MED12: variants seen among roughly 807,000 people sequenced by gnomAD.
MED12 encodes the protein mediator of RNA polymerase II transcription subunit 12.
A neutral mutation model predicts 177.7 loss-of-function variants in MED12; 10 were observed. That is an observed-to-expected ratio of 0.06 (90% CI 0.03 to 0.10). The LOEUF (loss-of-function observed/expected upper bound fraction) is 0.10, where lower values mean the gene tolerates loss of function less well. Among genes scored for constraint, MED12 ranks in the 10% least tolerant of loss-of-function variants. MED12 has a pLI of 1.00. For synonymous variants in MED12, 641 were observed against 678.4 expected (o/e 0.94, Z 0.86); for missense variants, 867 against 1,780.8 (o/e 0.49, Z 9.23).
intron 32 of MED12, 42 bp from the exon 33 acceptor site, chrX:71,133,081 C>T (rs375000904): frequency 5.6e-6 from 6 of 1,072,636 alleles, no homozygotes; most frequent in African/African-American, 5.5e-5. Flanking sequence ...GATGGAAACA[C>T]GAAGATCCCT....
In MED12 at chrX:71,132,850, C is replaced by T. The variant is rs1242129195; in HGVS notation, c.4421C>T (p.Ser1474Phe). 3 of 1,164,839 alleles carry T rather than the reference C, an allele frequency of 2.6e-6. No individual in the cohort carries two copies. Among genetic ancestry groups the T allele is most frequent in the East Asian group, 6.2e-5 (2 of 32,261 alleles). ...ERDRQKQKSMSLLSQQPFLSL... is the reference protein window; with the variant it reads ...ERDRQKQKSMFLLSQQPFLSL... The stretch of plus-strand genomic sequence containing the variant: ...CTTCTTTCTCTTGTCTCTAGCATGT[C>T]CCTATTGAGCCAGCAGCCCTTCTTA... The change falls in exon 32 of 45, where the codon TCC becomes TTC. Residue 1474 changes from serine (S) to phenylalanine (F), a missense_variant. Physicochemically the swap from Ser to Phe is radical, Grantham distance 155. Coordinates refer to ENST00000374080, the MANE Select transcript of MED12 (RefSeq NM_005120.3).
rs1368759560 is a variant in MED12, at chrX:71,132,545, G to A, written c.4415+7G>A. ...ATCGACAAAAGCAGAAGAGGTAAAGGGGCTTAGGGAGTGGACCAAGATTGA... is the reference window on the plus strand; with the variant it reads ...ATCGACAAAAGCAGAAGAGGTAAAGAGGCTTAGGGAGTGGACCAAGATTGA... On this transcript the variant is annotated splice_region_variant and intron_variant, in intron 31 of 44. Coordinates refer to ENST00000374080, the MANE Select transcript of MED12 (RefSeq NM_005120.3). The A allele has an allele frequency of 3.4e-6, 4 of 1,174,626 alleles. No homozygotes were observed. Among genetic ancestry groups the A allele is most frequent in the Non-Finnish European group, 4.6e-6 (4 of 876,483 alleles).
chrX:71,136,023 C>G (rs553859804), intron 36 of MED12, among the ~76,000 whole-genome samples: 2 of 108,752 alleles, frequency 1.8e-5, no homozygotes, highest in East Asian at 5.8e-4. Flanking sequence ...ACACGCCCCC[C>G]GCCCCGTTAG....
Position 71,141,227 on chromosome X carries a change from T to TAGCAGC in MED12, c.6273_6278dup, listed in dbSNP as rs748394417. 3.4e-5 allele frequency: 39 copies of TAGCAGC among 1,152,872 alleles called. No homozygotes were observed. The African/African-American group carries it at 6.2e-4, about 18-fold the overall frequency. ...TTCTGAAGTATCTTTTGTGTTCTTATAGCAGCAGCAGCAACAGCAACAGCA... is the reference window on the plus strand; with the variant it reads ...TTCTGAAGTATCTTTTGTGTTCTTATAGCAGCAGCAGCAGCAGCAACAGCAACAGCA... On this transcript the variant is annotated splice_region_variant and splice_polypyrimidine_tract_variant and intron_variant, in intron 42 of 44. Transcript: ENST00000374080.
Position 71,123,661 on chromosome X carries a change from G to A in MED12, c.1685G>A (p.Ser562Asn). The part of the protein sequence containing the change: ...SIASGSLSAP[S>N]APIFQDVLLQ... Reference sequence around the variant, plus strand: ...GCCTCTGGCTCCCTTTCTGCTCCCAGTGCTCCCATTTTCCAGGATGTCCTC... The same window carrying A: ...GCCTCTGGCTCCCTTTCTGCTCCCAATGCTCCCATTTTCCAGGATGTCCTC... The change falls in exon 12 of 45, where the codon AGT becomes AAT. Residue 562 changes from serine (S) to asparagine (N), a missense_variant. Around this residue, in one of 14 missense-constraint regions of MED12, gnomAD observed 309 missense variants for 556.3 expected, o/e 0.56. Coordinates refer to ENST00000374080, the MANE Select transcript of MED12 (RefSeq NM_005120.3). 8.3e-7 allele frequency: 1 copy of A among 1,209,124 alleles called. No homozygotes were observed. The highest frequency in any genetic ancestry group is 1.1e-6 in the Non-Finnish European group (1 of 893,920).
In MED12 at chrX:71,125,653, C is replaced by G. The variant is rs752691764; in HGVS notation, c.2372-10C>G. 7 of 771,289 alleles carry G rather than the reference C, an allele frequency of 9.1e-6. No homozygotes were observed. Among genetic ancestry groups the G allele is most frequent in the African/African-American group, 2.3e-5 (1 of 43,410 alleles). 63.6% of individuals were successfully genotyped at this position (771,289 alleles called of 1,213,427 possible). A position where few individuals can be genotyped will look rare whatever the true frequency, so the allele number is the denominator to read the frequency against. On this transcript the variant is annotated splice_polypyrimidine_tract_variant and intron_variant, in intron 16 of 44. Transcript: ENST00000374080. The stretch of plus-strand genomic sequence containing the variant: ...TTTGAAACTTCCCCCCTCATTCCCC[C>G]CCTCTACAGACCAGCTTGCTCCTAT...
chrX:71,138,344 G>T (rs1230349599), intron 41 of MED12, among the ~76,000 whole-genome samples: 1 of 110,273 alleles, frequency 9.1e-6, no homozygotes, highest in Non-Finnish European at 1.9e-5. Flanking sequence ...ATATTTTTTT[G>T]AAACAGAGTC....
intron 33 of MED12, 128 bp downstream of exon 33, chrX:71,133,340 T>G (rs1485943945): frequency 2.1e-6 from 1 of 479,657 alleles, no homozygotes; most frequent in Non-Finnish European, 3.6e-6. Flanking sequence ...TGAAGGGTTT[T>G]TTTTTTTTTT....
intron 20 of MED12, 40 bp downstream of exon 20, chrX:71,127,172 G>A (rs755787881): frequency 6.8e-6 from 8 of 1,183,443 alleles, no homozygotes; most frequent in South Asian, 3.7e-5. Flanking sequence ...AAGCTCTGGC[G>A]AATGCCGGTG....
chrX:71,134,341 G>A lies in MED12; in HGVS notation c.4618-16G>A. 9.5e-7 allele frequency: 1 copy of A among 1,057,589 alleles called. No homozygotes were observed. 87.2% of individuals were successfully genotyped at this position (1,057,589 alleles called of 1,213,427 possible). ...TGTCCCTGAGCCATCTGACTGACTT[G>A]TTGTGGCCCTGGCAGGTGGGGGGCA... On this transcript the variant is annotated splice_polypyrimidine_tract_variant and intron_variant, in intron 33 of 44. Transcript: ENST00000374080.
chrX:71,122,438 T>C (rs1471359115), intron 8 of MED12, 70 bp from the exon 9 acceptor site: 5 of 1,187,930 alleles, frequency 4.2e-6, no homozygotes, highest in Non-Finnish European at 5.7e-6. Flanking sequence ...AGTACTATTC[T>C]TCTAGCCTGG....
intron 41 of MED12, 108 bp from the exon 42 acceptor site, chrX:71,140,527 A>G: frequency 8.4e-7 from 1 of 1,193,641 alleles, no homozygotes; most frequent in South Asian, 1.8e-5. Context: ...CGAGGAATGA[A>G]TGAAATAACC....
At position 71,130,170 on chromosome X, in the gene MED12, G is replaced by C; in HGVS notation, c.4003G>C (p.Asp1335His). 1 of 1,209,984 alleles carries C rather than the reference G, an allele frequency of 8.3e-7. No homozygotes were observed. Among genetic ancestry groups the C allele is most frequent in the Non-Finnish European group, 1.1e-6 (1 of 894,336 alleles). Residue 1335 changes from aspartate (D) to histidine (H), a missense_variant, in exon 28 of 45, where the codon GAT (aspartate) becomes CAT (histidine). By Grantham distance (81) the Asp-to-His change is moderately conservative. Transcript: ENST00000374080. ...CYPHRLLDNEDGENPQRQRIK... is the reference protein window; with the variant it reads ...CYPHRLLDNEHGENPQRQRIK... ...TCCACATCGACTGCTGGACAATGAG[G>C]ATGGGGAAAACCCCCAGCGGCAGCG...
Position 71,132,064 on chromosome X carries a change from C to G in MED12, c.4120-9C>G. The G allele has an allele frequency of 8.3e-7, 1 of 1,209,315 alleles. No homozygotes were observed. The highest frequency in any genetic ancestry group is 2.2e-5 in the Admixed American group (1 of 45,995). Reference sequence around the variant, plus strand: ...ATTTTAGCACTTCTGTGCCTTTCATCCTCCCCAGGAGATGAACTCCCTCTT... The same window carrying G: ...ATTTTAGCACTTCTGTGCCTTTCATGCTCCCCAGGAGATGAACTCCCTCTT... On this transcript the variant is annotated splice_polypyrimidine_tract_variant and intron_variant, in intron 29 of 44. Coordinates refer to ENST00000374080, the MANE Select transcript of MED12 (RefSeq NM_005120.3).
chrX:71,138,189 C>T (rs955955641), intron 41 of MED12, among the ~76,000 whole-genome samples: 3 of 111,534 alleles, frequency 2.7e-5, no homozygotes, highest in East Asian at 2.8e-4. Context: ...GTTTATCTGA[C>T]TCAAGGAAAA....
intron 36 of MED12, among the ~76,000 whole-genome samples, chrX:71,135,651 G>A (rs915925049): frequency 1.8e-5 from 2 of 111,499 alleles, no homozygotes; most frequent in East Asian, 2.8e-4. Context: ...TGTCAGTTGC[G>A]GTATTTGTTG....
At chrX:71,125,968 C>G (rs2092302377) in intron 17 of MED12, 68 bp from the exon 18 acceptor site, 1 of 720,301 alleles carries the variant, frequency 1.4e-6, no homozygotes, top group African/African-American at 2.1e-5. Flanking sequence ...CTCCATACCC[C>G]ACTCCCCACC....
intron 12 of MED12, 106 bp downstream of exon 12, chrX:71,123,826 G>C (rs2147788502): frequency 5.7e-6 from 5 of 880,065 alleles, no homozygotes; most frequent in Non-Finnish European, 8.1e-6. Flanking sequence ...TTCTCTCTTG[G>C]GCTCTATGCA....
intron 41 of MED12, among the ~76,000 whole-genome samples, chrX:71,138,843 G>A (rs1179418056): frequency 1.8e-4 from 20 of 111,396 alleles, no homozygotes; most frequent in East Asian, 5.6e-4. Context: ...AGCCAGTACC[G>A]GCTTTGAATA....
Sources: gnomAD v4.1 joint callset for allele counts (sites outside exome capture counted in the v4.1 genomes callset) on GRCh38, gnomAD v4.1.1 for gene constraint, gnomAD v4.1.1 regional missense constraint, MANE v1.5 for transcripts, NCBI Gene and HGNC (gene_info 2026-07-23, HGNC 2026-07-21) for gene names.